Variants in GALC observed in about 807,000 individuals in gnomAD.
GALC encodes the protein galactocerebrosidase.
Under a neutral mutation model 91.8 loss-of-function variants are expected in GALC, and 77 were observed. That is an observed-to-expected ratio of 0.84 (90% CI 0.70 to 1.01). GALC has a LOEUF of 1.01. Ranked by LOEUF, GALC falls within the 50% of genes least tolerant of loss-of-function variation. The pLI is 0.00. For synonymous variants in GALC, 357 were observed against 306.7 expected, an observed-to-expected ratio of 1.16 and a Z score of -1.71; for missense variants, 882 against 855.9, an observed-to-expected ratio of 1.03 and a Z score of -0.38.
At chr14:87,992,758 T>C (rs546725577) in intron 1 of GALC, 8 of 1,417,974 alleles carry the variant, frequency 5.6e-6, no homozygotes, top group Admixed American at 6.1e-5. Flanking sequence ...TGTTCAAACC[T>C]AACTGCCTGT....
chr14:87,972,399 T>C (rs1886330000), intron 7 of GALC, among the ~76,000 whole-genome samples: 1 of 152,136 alleles, frequency 6.6e-6, no homozygotes, highest in African/African-American at 2.4e-5. Flanking sequence ...ATTGGAAAGA[T>C]TTCCAAGGAA....
intron 7 of GALC, among the ~76,000 whole-genome samples, chr14:87,972,943 C>T (rs368559455): frequency 6.6e-6 from 1 of 151,970 alleles, no homozygotes; most frequent in East Asian, 1.9e-4. Flanking sequence ...AGAGCATATA[C>T]TATATATCTG....
intron 9 of GALC, among the ~76,000 whole-genome samples, chr14:87,964,043 C>CA (rs1465225683): frequency 6.6e-6 from 1 of 151,886 alleles, no homozygotes; most frequent in Non-Finnish European, 1.5e-5. Context: ...AATGTGGGGC[C>CA]AACAATTTCA....
chr14:87,984,694 C>A (rs1422071464), intron 4 of GALC, among the ~76,000 whole-genome samples, 161 bp from the exon 5 acceptor site: 1 of 152,104 alleles, frequency 6.6e-6, no homozygotes, highest in African/African-American at 2.4e-5. Flanking sequence ...TTATTGAAAT[C>A]CTTTCCAATC....
intron 16 of GALC, among the ~76,000 whole-genome samples, chr14:87,937,227 C>A (rs1708407640): frequency 6.6e-6 from 1 of 151,704 alleles, no homozygotes; most frequent in Non-Finnish European, 1.5e-5. Flanking sequence ...CTGTTTAATG[C>A]ACTGGGAATT....
intron 10 of GALC, chr14:87,953,702 T>A: frequency 6.2e-7 from 1 of 1,608,320 alleles, no homozygotes; most frequent in South Asian, 1.1e-5. Flanking sequence ...AAAATGAAGT[T>A]GATTTCTAAT....
intron 16 of GALC, among the ~76,000 whole-genome samples, chr14:87,939,029 T>C (rs1396980243): frequency 1.3e-5 from 2 of 151,870 alleles, no homozygotes; most frequent in African/African-American, 4.8e-5. Flanking sequence ...ACATTAGATG[T>C]GCAAGCTCCC....
chr14:87,992,988 G>A lies in GALC; in HGVS notation c.177C>T (p.Gly59=), dbSNP rs1567019320. ...DGLGREFDGI[G]AVSGGGATSR... ...CGCTCACCCCGCCGCCGCTGACCGCGCCGATGCCGTCGAACTCCCGGCCCA... is the reference window on the plus strand; with the variant it reads ...CGCTCACCCCGCCGCCGCTGACCGCACCGATGCCGTCGAACTCCCGGCCCA... The change falls in exon 1 of 17, where the codon GGC becomes GGT. Residue 59 remains glycine (G), a synonymous_variant. Coordinates refer to ENST00000261304, the MANE Select transcript of GALC (RefSeq NM_000153.4). 6.5e-7 allele frequency: 1 copy of A among 1,531,672 alleles called. No homozygotes were observed. Among genetic ancestry groups the A allele is most frequent in the Admixed American group, 1.9e-5 (1 of 52,322 alleles). The allele number at this position is 1,531,672 out of a possible 1,614,324, so 94.9% of individuals were successfully genotyped here.
At chr14:87,976,283 AG>A in intron 7 of GALC, 74 bp downstream of exon 7, 1 of 1,516,842 alleles carries the variant, frequency 6.6e-7, no homozygotes, top group Non-Finnish European at 9.1e-7. Context: ...AATGGGGAGA[AG>A]GCAAGAAAAA....
chr14:87,946,717 C>G (rs977839507), intron 13 of GALC, among the ~76,000 whole-genome samples: 1 of 151,892 alleles, frequency 6.6e-6, no homozygotes, highest in African/African-American at 2.4e-5. Flanking sequence ...AAGCGAGCAA[C>G]AGATTTTAAA....
intron 13 of GALC, among the ~76,000 whole-genome samples, chr14:87,947,278 T>TAA (rs34703156): frequency 1.0e-4 from 15 of 150,718 alleles, no homozygotes; most frequent in Admixed American, 3.3e-4. Flanking sequence ...AAAGCTCAAT[T>TAA]AAAAAAAAAG....
intron 7 of GALC, among the ~76,000 whole-genome samples, chr14:87,971,242 G>C (rs1434425201): frequency 3.9e-5 from 6 of 152,128 alleles, no homozygotes; most frequent in African/African-American, 1.4e-4. Flanking sequence ...AGGATCAGCA[G>C]ATGGTATATG....
In GALC at chr14:87,992,398, C is replaced by T. The variant is rs1227760914; in HGVS notation, c.195+572G>A. 5 of 1,535,546 alleles carry T rather than the reference C, an allele frequency of 3.3e-6. No individual in the cohort carries two copies. In the South Asian group the frequency reaches 4.8e-5, roughly 15 times the overall value. On this transcript the variant is annotated intron_variant, in intron 1 of 16. Transcript: ENST00000261304. ...TCTTCCTTTTAAAGAGACCTTGAGG[C>T]ACCAGTCCTGCCTCCAAACGAAATC... is the stretch of plus-strand genomic sequence containing the variant.
intron 10 of GALC, chr14:87,953,877 C>T: frequency 1.2e-6 from 2 of 1,610,132 alleles, no homozygotes; most frequent in Non-Finnish European, 1.7e-6. Flanking sequence ...AAAATTCGGA[C>T]CAAATTCTGG....
upstream of GALC, chr14:87,993,552 T>C: frequency 1.5e-6 from 2 of 1,305,332 alleles, no homozygotes; most frequent in East Asian, 2.5e-5. Context: ...CAGGTCCCGA[T>C]TCCATTGTCA....
intron 14 of GALC, among the ~76,000 whole-genome samples, chr14:87,944,955 G>C (rs1885004695): frequency 7.0e-6 from 1 of 143,114 alleles, no homozygotes; most frequent in Non-Finnish European, 1.5e-5. Flanking sequence ...GGTGGAATAA[G>C]TCAGCACATA....
chr14:87,979,288 A>G (rs535613384), intron 6 of GALC, among the ~76,000 whole-genome samples: 43 of 152,280 alleles, frequency 2.8e-4, no homozygotes. Context: ...CAGCCTCCCA[A>G]AGTGCTGGGA....
chr14:87,988,122 C>A, intron 3 of GALC, 22 bp downstream of exon 3: 1 of 1,588,486 alleles, frequency 6.3e-7, no homozygotes, highest in Non-Finnish European at 8.6e-7. Context: ...TGGGAGAAAT[C>A]CTATCTCCCA....
chr14:87,973,749 A>T (rs1595223729), intron 7 of GALC, among the ~76,000 whole-genome samples: 1 of 152,158 alleles, frequency 6.6e-6, no homozygotes, highest in South Asian at 2.1e-4. Flanking sequence ...GGGCTGGATC[A>T]TTTTTTGTTA....
Sources: gnomAD v4.1 joint callset for allele counts (sites outside exome capture counted in the v4.1 genomes callset) on GRCh38, gnomAD v4.1.1 for gene constraint, MANE v1.5 for transcripts, NCBI Gene and HGNC (gene_info 2026-07-23, HGNC 2026-07-21) for gene names.